GRB2: variants seen among roughly 807,000 people sequenced by gnomAD.
GRB2 encodes growth factor receptor-bound protein 2.
A neutral mutation model predicts 27.4 loss-of-function variants in GRB2; 2 were observed. That is an observed-to-expected ratio of 0.07 (90% CI 0.03 to 0.23). The LOEUF is 0.23. Among genes scored for constraint, GRB2 ranks in the 10% least tolerant of loss-of-function variants. The pLI, the probability that GRB2 is intolerant of heterozygous loss-of-function variation, is 1.00. For missense variants in GRB2, 102 were observed against 282.4 expected, an observed-to-expected ratio of 0.36 and a Z score of 4.58; for synonymous variants, 94 against 99.6, an observed-to-expected ratio of 0.94 and a Z score of 0.33.
At chr17:75,380,756 C>T (rs2078922990) in intron 2 of GRB2, among the ~76,000 whole-genome samples, 2 of 152,180 alleles carry the variant, frequency 1.3e-5, no homozygotes, top group Non-Finnish European at 2.9e-5. Flanking sequence ...AAATTAACCA[C>T]TTAAAAAATA....
At chr17:75,347,115 G>T (rs2078660493) in intron 2 of GRB2, among the ~76,000 whole-genome samples, 1 of 152,132 alleles carries the variant, frequency 6.6e-6, no homozygotes, top group Non-Finnish European at 1.5e-5. Context: ...TAGGCCTCAT[G>T]GTGGTAACCT....
At chr17:75,393,833 CCTG>C in intron 1 of GRB2, 68 bp from the exon 2 acceptor site, 1 of 553,578 alleles carries the variant, frequency 1.8e-6, no homozygotes, top group Non-Finnish European at 3.2e-6. Context: ...TGCCAATCGG[CCTG>C]CTGTCCCAGC....
At chr17:75,331,737 T>C (rs2145825489) in intron 3 of GRB2, among the ~76,000 whole-genome samples, 1 of 152,340 alleles carries the variant, frequency 6.6e-6, no homozygotes, top group Non-Finnish European at 1.5e-5. Context: ...CAGGATTGTA[T>C]GCAGCCCACA....
rs550549018 is a variant in GRB2 at position 75,330,054 on chromosome 17, A to G, written c.176+2646T>C. On this transcript the variant is annotated intron_variant, in intron 3 of 5. Transcript: ENST00000316804. ...AGTGGCGTGATCTTGGCTTGCTGCA[A>G]GCTCTAACAGGCAAATGTTTTGAAA... Among the ~76,000 whole-genome samples, 99 of 152,144 alleles carry G rather than the reference A, an allele frequency of 6.5e-4. 1 individual carries two copies. Among genetic ancestry groups the G allele is most frequent in the African/African-American group, 2.0e-3 (84 of 41,492 alleles).
intron 1 of GRB2, among the ~76,000 whole-genome samples, chr17:75,403,359 C>G (rs2079076735): frequency 6.6e-6 from 1 of 151,984 alleles, no homozygotes; most frequent in Non-Finnish European, 1.5e-5. Flanking sequence ...CAACATGCAA[C>G]ATGATAACAG....
At chr17:75,364,484 C>T (rs2078806890) in intron 2 of GRB2, among the ~76,000 whole-genome samples, 1 of 151,970 alleles carries the variant, frequency 6.6e-6, no homozygotes, top group Admixed American at 6.6e-5. Flanking sequence ...AACCAGATAC[C>T]TTGCCCAAGG....
Position 75,325,706 on chromosome 17 carries a change from T to C in GRB2, c.299+192A>G, listed in dbSNP as rs1598217043. 2.0e-5 allele frequency among the ~76,000 whole-genome samples: 3 copies of C among 152,330 alleles called. No homozygotes were observed. In the South Asian group the frequency reaches 6.2e-4, roughly 32 times the overall value. On this transcript the variant is annotated intron_variant, in intron 4 of 5. Coordinates refer to ENST00000316804, the MANE Select transcript of GRB2 (RefSeq NM_002086.5). ...TCACCTCCTGAAGGCTGTGTCCACA[T>C]GGGAATCTACATCCAGTGCTTCTAG... is the stretch of plus-strand genomic sequence containing the variant.
intron 2 of GRB2, among the ~76,000 whole-genome samples, chr17:75,389,133 T>C (rs1047463135): frequency 2.0e-5 from 3 of 152,176 alleles, no homozygotes; most frequent in Non-Finnish European, 1.5e-5. Context: ...CCGAGGCTTC[T>C]TAAGGACCAG....
At chr17:75,334,988 G>A (rs1448308378) in intron 2 of GRB2, among the ~76,000 whole-genome samples, 1 of 151,754 alleles carries the variant, frequency 6.6e-6, no homozygotes, top group African/African-American at 2.4e-5. Flanking sequence ...GAGTACCTGG[G>A]ACTATAGGCA....
At chr17:75,321,360 A>G (rs2078458396) in intron 5 of GRB2, among the ~76,000 whole-genome samples, 1 of 151,834 alleles carries the variant, frequency 6.6e-6, no homozygotes, top group Admixed American at 6.6e-5. Context: ...TATTTTTAGT[A>G]GCGACAGGGT....
At chr17:75,357,036 A>AT (rs2078738263) in intron 2 of GRB2, among the ~76,000 whole-genome samples, 1 of 152,098 alleles carries the variant, frequency 6.6e-6, no homozygotes, top group African/African-American at 2.4e-5. Context: ...TTTTACCACC[A>AT]TCATTCTGAT....
chr17:75,321,988 C>T (rs1198517254), intron 4 of GRB2, among the ~76,000 whole-genome samples, 161 bp from the exon 5 acceptor site: 1 of 152,160 alleles, frequency 6.6e-6, no homozygotes, highest in South Asian at 2.1e-4. Context: ...CTGGGACGGA[C>T]CTCTCCCTAT....
At chr17:75,324,753 A>G (rs765662150) in intron 4 of GRB2, among the ~76,000 whole-genome samples, 1 of 139,202 alleles carries the variant, frequency 7.2e-6, no homozygotes, top group Non-Finnish European at 1.7e-5. Flanking sequence ...TTTGAAATGG[A>G]AAAGTCTCAC....
At chr17:75,339,710 T>A (rs2078607788) in intron 2 of GRB2, among the ~76,000 whole-genome samples, 1 of 151,272 alleles carries the variant, frequency 6.6e-6, no homozygotes, top group South Asian at 2.1e-4. Context: ...CACTGCCACC[T>A]CTGCCTCCTG....
intron 2 of GRB2, among the ~76,000 whole-genome samples, chr17:75,341,912 G>T (rs888462613): frequency 6.6e-6 from 1 of 152,136 alleles, no homozygotes; most frequent in Non-Finnish European, 1.5e-5. Flanking sequence ...TGCAAATATA[G>T]TCTGGCATTC....
chr17:75,347,569 G>A (rs569935603), intron 2 of GRB2, among the ~76,000 whole-genome samples: 171 of 152,186 alleles, frequency 1.1e-3, no homozygotes, highest in African/African-American at 3.9e-3. Context: ...TACCTCCTCC[G>A]CTCCTGAAAG....
intron 2 of GRB2, among the ~76,000 whole-genome samples, chr17:75,350,025 A>C (rs1191440999): frequency 2.1e-5 from 3 of 144,116 alleles, no homozygotes; most frequent in East Asian, 4.2e-4. Context: ...CATTCTTAGG[A>C]CTCTATCCTA....
At chr17:75,384,483 A>G (rs983941896) in intron 2 of GRB2, among the ~76,000 whole-genome samples, 1 of 152,110 alleles carries the variant, frequency 6.6e-6, no homozygotes, top group Non-Finnish European at 1.5e-5. Flanking sequence ...AGCCTGGCCG[A>G]CATGGTGAAA....
At chr17:75,349,188 T>C (rs1385986225) in intron 2 of GRB2, among the ~76,000 whole-genome samples, 1 of 152,210 alleles carries the variant, frequency 6.6e-6, no homozygotes, top group Admixed American at 6.5e-5. Context: ...CATTCTTGTT[T>C]AATCCTACTG....
Sources: allele counts gnomAD v4.1 joint callset (sites outside exome capture counted in the v4.1 genomes callset), GRCh38; gene constraint gnomAD v4.1.1; transcripts MANE v1.5; gene names NCBI Gene and HGNC (gene_info 2026-07-23, HGNC 2026-07-21).